PIEZO1: variants seen among roughly 807,000 people sequenced by gnomAD.
PIEZO1 encodes the protein piezo-type mechanosensitive ion channel component 1.
PIEZO1 carries 296 observed loss-of-function variants against 297.2 expected under a neutral mutation model. The ratio of observed to expected loss-of-function variants is 1.00; its 90% confidence interval spans 0.91 to 1.10. The LOEUF is 1.10. Among genes scored for constraint, PIEZO1 ranks in the 50% least tolerant of loss-of-function variants. The probability of loss-of-function intolerance (pLI) is 0.00; values close to 1 mark genes in which losing one functional copy is unlikely to be tolerated. For missense variants in PIEZO1, 5,018 were observed against 3,455.5 expected (o/e 1.45, Z -11.34); for synonymous variants, 2,427 against 1,507.5 (o/e 1.61, Z -14.13).
rs1905740975 is a variant in PIEZO1 at position 88,742,410 on chromosome 16, C to T, written c.173G>A (p.Arg58His). 3.9e-6 allele frequency: 6 copies of T among 1,534,854 alleles called. No individual in the cohort carries two copies. Among genetic ancestry groups the T allele is most frequent in the South Asian group, 1.2e-5 (1 of 84,024 alleles). ...GAGGCCCAGCAATGCCCGCAGGAGG[C>T]GGCCTGTGTGACCTGCGGCAGAGCG... ...TRCGLQGHTGRLLRALLGLSL... is the reference protein window; with the variant it reads ...TRCGLQGHTGHLLRALLGLSL... The change falls in exon 3 of 51, where the codon CGC becomes CAC. Residue 58 changes from arginine to histidine, a missense_variant. By Grantham distance (29) the Arg-to-His change is conservative. Transcript: ENST00000301015.
chr16:88,736,848 GC>G (rs1597460482), intron 10 of PIEZO1, 109 bp from the exon 11 acceptor site: 1 of 655,740 alleles, frequency 1.5e-6, no homozygotes. Flanking sequence ...GGAGAGACAG[GC>G]CCCCGGTGGG....
At chr16:88,735,091 C>T (rs372710924) in intron 13 of PIEZO1, 38 bp from the exon 14 acceptor site, 45 of 1,538,700 alleles carry the variant, frequency 2.9e-5, no homozygotes, top group Middle Eastern at 1.7e-4. Flanking sequence ...GGCATCAGGG[C>T]GGGCAGGCAG....
chr16:88,742,116 A>T (rs1434055909), intron 3 of PIEZO1, 21 bp from the exon 4 acceptor site: 1 of 1,535,510 alleles, frequency 6.5e-7, no homozygotes, highest in Non-Finnish European at 8.7e-7. Context: ...AGACGGGGGA[A>T]CCCAGGTCAG....
chr16:88,741,409 C>T (rs1461318859), intron 5 of PIEZO1, 69 bp downstream of exon 5: 1 of 1,331,068 alleles, frequency 7.5e-7, no homozygotes, highest in Non-Finnish European at 1.0e-6. Context: ...TTAAAATAAC[C>T]CTCAAAATGG....
intron 1 of PIEZO1, among the ~76,000 whole-genome samples, chr16:88,783,108 G>A (rs1174294154): frequency 2.0e-5 from 3 of 152,218 alleles, no homozygotes; most frequent in Admixed American, 6.5e-5. Context: ...GGGCCTGGGT[G>A]AGCACCCCTG....
intron 22 of PIEZO1, chr16:88,731,321 G>A (rs938371596): frequency 1.7e-5 from 4 of 228,618 alleles, no homozygotes; most frequent in Non-Finnish European, 3.5e-5. Context: ...GTGGGGCTGT[G>A]GGCTCAGACA....
rs1312586034 is a variant in PIEZO1, at chr16:88,736,267, G to A, written c.1438C>T (p.Leu480=). Residue 480 remains leucine (L), a synonymous_variant, in exon 12 of 51, where the codon CTA becomes TTA. Coordinates refer to ENST00000301015, the MANE Select transcript of PIEZO1 (RefSeq NM_001142864.4). ...AGGTCCATGGCCCACACGTAGCGTA[G>A]GCAGCACAGCGTCATCCCATACAGC... ...ILLYGMTLCC[L]RYVWAMDLRP... The A allele has an allele frequency of 3.2e-6, 5 of 1,550,208 alleles. No homozygotes were observed. Among genetic ancestry groups the A allele is most frequent in the Non-Finnish European group, 3.5e-6 (4 of 1,146,848 alleles).
At chr16:88,717,699 G>C in intron 44 of PIEZO1, 1 of 436,598 alleles carries the variant, frequency 2.3e-6, no homozygotes, top group South Asian at 1.7e-5. Context: ...GAAAATTTAA[G>C]AGACAGTCCA....
intron 44 of PIEZO1, chr16:88,717,453 A>C (rs749503734): frequency 2.2e-4 from 135 of 620,112 alleles, no homozygotes; most frequent in Middle Eastern, 1.2e-3. Context: ...GGGAACGGAC[A>C]ACCTTTTTCA....
At position 88,715,414 on chromosome 16, in the gene PIEZO1, C is replaced by A; in HGVS notation, c.*191G>T. On this transcript the variant is annotated 3_prime_UTR_variant, in exon 51 of 51. Coordinates refer to ENST00000301015, the MANE Select transcript of PIEZO1 (RefSeq NM_001142864.4). ...CTACAGTACACGTGGGGGACGGCAG[C>A]GCCACGCAGGCCGTGGGGACGCAGT... 1 of 948,752 alleles carries A rather than the reference C, an allele frequency of 1.1e-6. No homozygotes were observed. Among genetic ancestry groups the A allele is most frequent in the Non-Finnish European group, 1.5e-6 (1 of 648,466 alleles). The allele number at this position is 948,752 out of a possible 1,614,324, so 58.8% of individuals were successfully genotyped here. A position where few individuals can be genotyped will look rare whatever the true frequency, so the allele number is the denominator to read the frequency against.
At chr16:88,725,886 T>A (rs1294718419) in intron 27 of PIEZO1, 4 of 586,156 alleles carry the variant, frequency 6.8e-6, no homozygotes, top group African/African-American at 1.9e-5. Context: ...GCCGTACAGA[T>A]GCAGGGGCGT....
Position 88,719,304 on chromosome 16 carries a change from G to A in PIEZO1, c.6471+270C>T, listed in dbSNP as rs576471900. 4.5e-4 allele frequency: 204 copies of A among 453,120 alleles called. No homozygotes were observed. The Middle Eastern group carries it at 6.7e-3, about 15-fold the overall frequency. The allele number at this position is 453,120 out of a possible 1,614,324, so 28.1% of individuals were successfully genotyped here. A position where few individuals can be genotyped will look rare whatever the true frequency, so the allele number is the denominator to read the frequency against. ...AGAATGCAGCAAACAGTGGCTGTCC[G>A]GTCCTCCCTGCACCAGGCCCTGCTC... On this transcript the variant is annotated intron_variant, in intron 44 of 50. Coordinates refer to ENST00000301015, the MANE Select transcript of PIEZO1 (RefSeq NM_001142864.4).
chr16:88,759,093 A>G (rs1906808211), intron 1 of PIEZO1, among the ~76,000 whole-genome samples: 1 of 152,218 alleles, frequency 6.6e-6, no homozygotes, highest in African/African-American at 2.4e-5. Context: ...GTTATCAACA[A>G]GTGAACTGGT....
At chr16:88,762,432 C>T (rs1190235944) in intron 1 of PIEZO1, among the ~76,000 whole-genome samples, 1 of 152,232 alleles carries the variant, frequency 6.6e-6, no homozygotes, top group Non-Finnish European at 1.5e-5. Context: ...GCTGCAGGCA[C>T]TGCCCTCCTG....
chr16:88,765,912 G>A (rs561825661), intron 1 of PIEZO1, among the ~76,000 whole-genome samples: 1 of 152,188 alleles, frequency 6.6e-6, no homozygotes, highest in East Asian at 1.9e-4. Context: ...GACCTCAGGT[G>A]ACCCGCCCAC....
Position 88,738,250 on chromosome 16 carries a change from G to C in PIEZO1, c.825C>G (p.Leu275=), listed in dbSNP as rs1453210455. 1.2e-5 allele frequency: 18 copies of C among 1,535,744 alleles called. No homozygotes were observed. The Admixed American group carries it at 1.2e-4, about 10-fold the overall frequency. Residue 275 remains leucine, a synonymous_variant, in exon 7 of 51, where the codon CTC becomes CTG. Transcript: ENST00000301015. ...CYQMPLAQAL[L]PPAGIWARVL... ...ACCTAGCCCAGATGCCGGCAGGCGG[G>C]AGCAGAGCCTGTGCCAAGGGCATCT...
In PIEZO1 at chr16:88,715,607, ACTC is replaced by A. The variant is rs1217700127; in HGVS notation, c.7561_7563del (p.Glu2521del). 2 of 1,548,760 alleles carry A rather than the reference ACTC, an allele frequency of 1.3e-6. No individual in the cohort carries two copies. Among genetic ancestry groups the A allele is most frequent in the South Asian group, 1.2e-5 (1 of 84,030 alleles). ...CTCTCGGGCGCCAGCAGCAGCTCCT[ACTC>A]CTTCTCACGAGTCCACTTGATCATG... On this transcript the variant is annotated inframe_deletion, in exon 51 of 51. Coordinates refer to ENST00000301015, the MANE Select transcript of PIEZO1 (RefSeq NM_001142864.4).
At chr16:88,722,127 T>A in intron 36 of PIEZO1, 61 bp from the exon 37 acceptor site, 1 of 1,523,376 alleles carries the variant, frequency 6.6e-7, no homozygotes, top group Non-Finnish European at 8.8e-7. Context: ...GACGGCCCGA[T>A]CTGTTGCCGG....
intron 31 of PIEZO1, among the ~76,000 whole-genome samples, chr16:88,723,612 C>T (rs190137385): frequency 1.2e-3 from 177 of 152,344 alleles, no homozygotes; most frequent in African/African-American, 4.1e-3. Flanking sequence ...GCCGGTCTCA[C>T]AGGTCAGGCC....
Sources: allele counts gnomAD v4.1 joint callset (sites outside exome capture counted in the v4.1 genomes callset), GRCh38; gene constraint gnomAD v4.1.1; transcripts MANE v1.5; gene names NCBI Gene and HGNC (gene_info 2026-07-23, HGNC 2026-07-21).